Variants in SEPTIN6 observed in about 807,000 individuals in gnomAD.
The protein encoded by SEPTIN6 is septin 6, also known as septin-6.
SEPTIN6 carries 8 observed loss-of-function variants against 33.6 expected under a neutral mutation model. The observed-to-expected ratio is 0.24, with a 90% CI of 0.14 to 0.43. The LOEUF (loss-of-function observed/expected upper bound fraction) is 0.43. Ranked by LOEUF, SEPTIN6 falls within the 20% of genes least tolerant of loss-of-function variation. The pLI, the probability that SEPTIN6 is intolerant of heterozygous loss-of-function variation, is 1.00. For missense variants in SEPTIN6, 250 were observed against 340.8 expected (o/e 0.73, Z 2.10); for synonymous variants, 131 against 140.0 (o/e 0.94, Z 0.45).
At chrX:119,625,543 T>TA in intron 9 of SEPTIN6, 164 bp from the exon 10 acceptor site, 3 of 402,052 alleles carry the variant, frequency 7.5e-6, no homozygotes, top group Non-Finnish European at 8.7e-6. Context: ...ACACTGATAC[T>TA]CTTTTTTTTT....
At position 119,617,248 on chromosome X, in the gene SEPTIN6, T is replaced by C; in HGVS notation, c.*2845A>G. 2 of 803,992 alleles carry C rather than the reference T, an allele frequency of 2.5e-6. No individual in the cohort carries two copies. The highest frequency in any genetic ancestry group is 2.2e-5 in the African/African-American group (1 of 45,502). 66.3% of individuals were successfully genotyped at this position (803,992 alleles called of 1,213,427 possible). ...AGTAAACAGAGTACTTAGGGTATTT[T>C]TTTTTTAAATAGTAACAGTTGTACT... On this transcript the variant is annotated 3_prime_UTR_variant, in exon 11 of 11. Transcript: ENST00000394610.
intron 1 of SEPTIN6, among the ~76,000 whole-genome samples, chrX:119,691,021 G>C (rs1306726790): frequency 1.8e-5 from 2 of 111,284 alleles, no homozygotes; most frequent in African/African-American, 3.3e-5. Context: ...ACAAGGTCTC[G>C]AGTGCTTAGG....
chrX:119,620,033 T>C lies in SEPTIN6; in HGVS notation c.*60A>G, dbSNP rs1236693234. On this transcript the variant is annotated 3_prime_UTR_variant, in exon 11 of 11. Transcript: ENST00000394610. The stretch of plus-strand genomic sequence containing the variant: ...CCAGCTCTGTTGCGCAGGAAAAGGG[T>C]GTCTACAGGAAGCCCAAACTGAAAA... 3 of 1,202,759 alleles carry C rather than the reference T, an allele frequency of 2.5e-6. No homozygotes were observed. The highest frequency in any genetic ancestry group is 3.4e-6 in the Non-Finnish European group (3 of 892,486).
chrX:119,661,408 G>A (rs2147574469), intron 3 of SEPTIN6, among the ~76,000 whole-genome samples: 1 of 111,243 alleles, frequency 9.0e-6, no homozygotes, highest in Non-Finnish European at 1.9e-5. Flanking sequence ...TCCAGCCTGG[G>A]CAACAGAGCG....
intron 10 of SEPTIN6, among the ~76,000 whole-genome samples, chrX:119,621,100 T>C (rs944140918): frequency 1.8e-5 from 2 of 108,998 alleles, no homozygotes; most frequent in Admixed American, 9.8e-5. Context: ...TCCTGTCCCA[T>C]TGGGAAAGTA....
intron 5 of SEPTIN6, among the ~76,000 whole-genome samples, chrX:119,644,789 T>A (rs1255966562): frequency 1.8e-5 from 2 of 108,433 alleles, no homozygotes; most frequent in Admixed American, 2.0e-4. Context: ...GAGGTTGTGG[T>A]TAGCCGAGCC....
At chrX:119,629,918 G>A (rs996758015) in intron 8 of SEPTIN6, among the ~76,000 whole-genome samples, 1 of 111,047 alleles carries the variant, frequency 9.0e-6, no homozygotes, top group Non-Finnish European at 1.9e-5. Context: ...TCAGGTGTTC[G>A]ACACCAGCCT....
At chrX:119,652,817 A>G in intron 4 of SEPTIN6, 37 bp downstream of exon 4, 1 of 1,150,101 alleles carries the variant, frequency 8.7e-7, no homozygotes, top group Non-Finnish European at 1.2e-6. Context: ...GATCAGTAAG[A>G]GTGAGCCCCC....
In SEPTIN6 at chrX:119,617,614, C is replaced by A. The variant is rs982993099; in HGVS notation, c.*2479G>T. On this transcript the variant is annotated 3_prime_UTR_variant, in exon 11 of 11. Transcript: ENST00000394610. ...TCTTCTAATACTAACTAGTCAGTTACTCTGAACATCAAAAGACCTCGTATC... is the reference window on the plus strand; with the variant it reads ...TCTTCTAATACTAACTAGTCAGTTAATCTGAACATCAAAAGACCTCGTATC... 15 of 800,810 alleles carry A rather than the reference C, an allele frequency of 1.9e-5. No homozygotes were observed. The Admixed American group carries it at 2.3e-4, about 12-fold the overall frequency. 66.0% of individuals were successfully genotyped at this position (800,810 alleles called of 1,213,427 possible).
rs768640971 is a variant in SEPTIN6, at chrX:119,663,529, C to A, written c.294G>T (p.Thr98=). 5 of 1,076,754 alleles carry A rather than the reference C, an allele frequency of 4.6e-6. No homozygotes were observed. In the African/African-American group the frequency reaches 9.7e-5, roughly 21 times the overall value. 88.7% of individuals were successfully genotyped at this position (1,076,754 alleles called of 1,213,427 possible). A position where few individuals can be genotyped will look rare whatever the true frequency, so the allele number is the denominator to read the frequency against. The change falls in exon 3 of 11, where the codon ACG becomes ACT. Residue 98 remains threonine (T), a synonymous_variant. Transcript: ENST00000394610. The part of the protein sequence containing the change: ...LQESNVRLKL[T]IVSTVGFGDQ... ...CCCCAAAGCCAACTGTGCTAACGAT[C>A]GTGAGCTTTAGCCTCACGTTGCTCT...
chrX:119,684,953 C>T (rs1308803957), intron 1 of SEPTIN6, among the ~76,000 whole-genome samples: 1 of 111,839 alleles, frequency 8.9e-6, no homozygotes, highest in Non-Finnish European at 1.9e-5. Context: ...GAAATAAGGC[C>T]TGCAAAAGCT....
chrX:119,687,998 G>C (rs4825662), intron 1 of SEPTIN6, among the ~76,000 whole-genome samples: 41,149 of 111,620 alleles, frequency 0.37, 7,421 homozygotes, highest in African/African-American at 0.72. Flanking sequence ...TCTGGAAGCT[G>C]TGAGAGGGCA....
At position 119,684,941 on chromosome X, in the gene SEPTIN6, G is replaced by A. The variant is rs184671986; in HGVS notation, c.30+8135C>T. Among the ~76,000 whole-genome samples, 137 of 111,892 alleles carry A rather than the reference G, an allele frequency of 1.2e-3. 1 individual carries two copies. Among genetic ancestry groups the A allele is most frequent in the African/African-American group, 4.3e-3 (131 of 30,778 alleles). On this transcript the variant is annotated intron_variant, in intron 1 of 10. Coordinates refer to ENST00000394610, the MANE Select transcript of SEPTIN6 (RefSeq NM_145799.4). Reference sequence around the variant, plus strand: ...AGAGAAATGTGGGGGCTGTTCTAAGGAGAAATAAGGCCTGCAAAAGCTGGC... The same window carrying A: ...AGAGAAATGTGGGGGCTGTTCTAAGAAGAAATAAGGCCTGCAAAAGCTGGC...
At chrX:119,672,044 A>G (rs2054758736) in intron 2 of SEPTIN6, among the ~76,000 whole-genome samples, 1 of 112,189 alleles carries the variant, frequency 8.9e-6, no homozygotes, top group South Asian at 3.7e-4. Context: ...TCTCTGAGCA[A>G]GGACAGGGTG....
At chrX:119,636,648 C>G (rs2054065689) in intron 7 of SEPTIN6, among the ~76,000 whole-genome samples, 2 of 111,627 alleles carry the variant, frequency 1.8e-5, no homozygotes, top group Admixed American at 1.9e-4. Flanking sequence ...GGGCAGAGGA[C>G]AGTTACCAAC....
intron 2 of SEPTIN6, among the ~76,000 whole-genome samples, chrX:119,665,197 G>C (rs1315566289): frequency 3.7e-5 from 4 of 106,809 alleles, no homozygotes; most frequent in Non-Finnish European, 7.7e-5. Flanking sequence ...TCTGCCTCCC[G>C]GGTTCAAGTG....
rs1173421197 is a variant in SEPTIN6, at chrX:119,666,339, T to C, written c.146-2662A>G. ...CGACCAAAAGCACACATCTGCAGGG[T>C]GGTTCAGGGCTACGGTTAGAGCTAC... On this transcript the variant is annotated intron_variant, in intron 2 of 10. Coordinates refer to ENST00000394610, the MANE Select transcript of SEPTIN6 (RefSeq NM_145799.4). 2.7e-5 allele frequency among the ~76,000 whole-genome samples: 3 copies of C among 111,603 alleles called. No homozygotes were observed. The East Asian group carries it at 8.5e-4, about 31-fold the overall frequency.
At chrX:119,632,439 G>C (rs7054787) in intron 8 of SEPTIN6, among the ~76,000 whole-genome samples, 3 of 105,959 alleles carry the variant, frequency 2.8e-5, no homozygotes, top group African/African-American at 1.0e-4. Flanking sequence ...CTTGTGATCC[G>C]CCCGCCTTGG....
At chrX:119,620,203 C>A (rs373059119) in intron 10 of SEPTIN6, among the ~76,000 whole-genome samples, 152 bp from the exon 11 acceptor site, 1 of 110,921 alleles carries the variant, frequency 9.0e-6, no homozygotes, top group African/African-American at 3.3e-5. Flanking sequence ...GCATTGGCTC[C>A]GGGGAACATG....
Sources: allele counts gnomAD v4.1 joint callset (sites outside exome capture counted in the v4.1 genomes callset), GRCh38; gene constraint gnomAD v4.1.1; transcripts MANE v1.5; gene names NCBI Gene and HGNC (gene_info 2026-07-23, HGNC 2026-07-21).